Variants in TNFRSF13C observed in about 807,000 individuals in gnomAD.
TNFRSF13C encodes the protein TNF receptor superfamily member 13C.
In TNFRSF13C, 7 loss-of-function variants were observed where a neutral mutation model predicts 12.1. That is an observed-to-expected ratio of 0.58 (90% CI 0.33 to 1.08). TNFRSF13C has a LOEUF of 1.08. TNFRSF13C is among the 50% of genes least tolerant of loss of function. TNFRSF13C has a pLI of 0.04. For synonymous variants in TNFRSF13C, 157 were observed against 130.8 expected, an observed-to-expected ratio of 1.20 and a Z score of -1.37; for missense variants, 260 against 265.9, an observed-to-expected ratio of 0.98 and a Z score of 0.15.
At position 41,922,671 on chromosome 22, in the gene TNFRSF13C, G is replaced by T. The variant is rs965743671; in HGVS notation, c.*2696C>A. ...GGGGGTGTCCAGGAGAAGATGGGGT[G>T]GGGGAGATGGGGTGGCCAGGAGAAG... is the stretch of plus-strand genomic sequence containing the variant. On this transcript the variant is annotated 3_prime_UTR_variant, in exon 3 of 3. Transcript: ENST00000291232. The T allele has an allele frequency of 2.0e-5, 3 of 150,064 alleles. No individual in the cohort carries two copies. The highest frequency in any genetic ancestry group is 7.4e-5 in the African/African-American group (3 of 40,598). The allele number at this position is 150,064 out of a possible 1,614,324, so 9.3% of individuals were successfully genotyped here.
At position 41,925,443 on chromosome 22, in the gene TNFRSF13C, C is replaced by A. The variant is rs2146588362; in HGVS notation, c.479G>T (p.Ser160Ile). 1.9e-6 allele frequency: 3 copies of A among 1,612,300 alleles called. No individual in the cohort carries two copies. The highest frequency in any genetic ancestry group is 2.5e-6 in the Non-Finnish European group (3 of 1,179,982). Residue 160 changes from serine to isoleucine, a missense_variant, in exon 3 of 3, where the codon AGT becomes ATT. Coordinates refer to ENST00000291232, the MANE Select transcript of TNFRSF13C (RefSeq NM_052945.4). ...CAGCTCTGTGGCTGGCACAGGGACACTGTGGCCAGGTGGGGTGGTTCCTGG... is the reference window on the plus strand; with the variant it reads ...CAGCTCTGTGGCTGGCACAGGGACAATGTGGCCAGGTGGGGTGGTTCCTGG... The part of the protein sequence containing the change: ...EDPGTTPPGH[S>I]VPVPATELGS...
In TNFRSF13C at chr22:41,922,200, C is replaced by T. The variant is rs2077609781; in HGVS notation, c.*3167G>A. The T allele has an allele frequency of 6.6e-6, 1 of 152,226 alleles. No homozygotes were observed. Among genetic ancestry groups the T allele is most frequent in the Non-Finnish European group, 1.5e-5 (1 of 68,044 alleles). 9.4% of individuals were successfully genotyped at this position (152,226 alleles called of 1,614,324 possible). A position where few individuals can be genotyped will look rare whatever the true frequency, so the allele number is the denominator to read the frequency against. On this transcript the variant is annotated 3_prime_UTR_variant, in exon 3 of 3. Transcript: ENST00000291232. Reference sequence around the variant, plus strand: ...TTACTGGACACGGGTCATTTCTTCCCTGACTACATCATGGATTCCGGTCCA... The same window carrying T: ...TTACTGGACACGGGTCATTTCTTCCTTGACTACATCATGGATTCCGGTCCA...
At position 41,922,874 on chromosome 22, in the gene TNFRSF13C, C is replaced by G. The variant is rs1018934692; in HGVS notation, c.*2493G>C. The G allele has an allele frequency of 6.6e-6, 1 of 152,662 alleles. No individual in the cohort carries two copies. Among genetic ancestry groups the G allele is most frequent in the Non-Finnish European group, 1.5e-5 (1 of 68,426 alleles). 9.5% of individuals were successfully genotyped at this position (152,662 alleles called of 1,614,324 possible). A position where few individuals can be genotyped will look rare whatever the true frequency, so the allele number is the denominator to read the frequency against. On this transcript the variant is annotated 3_prime_UTR_variant, in exon 3 of 3. Coordinates refer to ENST00000291232, the MANE Select transcript of TNFRSF13C (RefSeq NM_052945.4). ...GCAGATGGGGTGGCCAGGAGCAGCT[C>G]AGACTCCCCCAACTCCAGATGGAAG...
In TNFRSF13C at chr22:41,925,410, G is replaced by C. The variant is rs565521242; in HGVS notation, c.512C>G (p.Thr171Ser). ...VPVPATELGSTELVTTKTAGP... is the reference protein window; with the variant it reads ...VPVPATELGSSELVTTKTAGP... The stretch of plus-strand genomic sequence containing the variant: ...GGCCGTCTTGGTGGTCACCAGTTCA[G>C]TGGAGCCCAGCTCTGTGGCTGGCAC... The change falls in exon 3 of 3, where the codon ACT (threonine) becomes AGT (serine). Residue 171 changes from threonine to serine, a missense_variant. By Grantham distance (58) the Thr-to-Ser change is moderately conservative. Coordinates refer to ENST00000291232, the MANE Select transcript of TNFRSF13C (RefSeq NM_052945.4). 5.0e-6 allele frequency: 8 copies of C among 1,610,050 alleles called. No individual in the cohort carries two copies. In the South Asian group the frequency reaches 7.7e-5, roughly 15 times the overall value.
At position 41,925,243 on chromosome 22, in the gene TNFRSF13C, G is replaced by T; in HGVS notation, c.*124C>A. 1.9e-6 allele frequency: 2 copies of T among 1,076,620 alleles called. No individual in the cohort carries two copies. Among genetic ancestry groups the T allele is most frequent in the Non-Finnish European group, 2.6e-6 (2 of 765,196 alleles). The allele number at this position is 1,076,620 out of a possible 1,614,324, so 66.7% of individuals were successfully genotyped here. ...TGTGGTCTGTAGTGTCTGTGCTTCTGCAGAGTTAGCCTGGTCCCAGAAAGA... is the reference window on the plus strand; with the variant it reads ...TGTGGTCTGTAGTGTCTGTGCTTCTTCAGAGTTAGCCTGGTCCCAGAAAGA... On this transcript the variant is annotated 3_prime_UTR_variant, in exon 3 of 3. Coordinates refer to ENST00000291232, the MANE Select transcript of TNFRSF13C (RefSeq NM_052945.4).
Position 41,925,325 on chromosome 22 carries a change from G to C in TNFRSF13C, c.*42C>G. The C allele has an allele frequency of 6.4e-7, 1 of 1,566,402 alleles. No individual in the cohort carries two copies. Among genetic ancestry groups the C allele is most frequent in the Non-Finnish European group, 8.6e-7 (1 of 1,160,616 alleles). On this transcript the variant is annotated 3_prime_UTR_variant, in exon 3 of 3. Coordinates refer to ENST00000291232, the MANE Select transcript of TNFRSF13C (RefSeq NM_052945.4). ...TTTGATTTCCAAGCCCCTGGCTGGG[G>C]GTCCAGAGGGAGGGCAGGGGCCACC...
rs1910109728 is a variant in TNFRSF13C, at chr22:41,926,561, T to G, written c.136+77A>C. ...CCTCGGCGCCCCCGGGGGTCGGGGC[T>G]CTGCCTGCGCCCTGGCGATCGGGGC... On this transcript the variant is annotated intron_variant, in intron 1 of 2. Transcript: ENST00000291232. The surrounding 1 kb of genome is among the most constrained non-coding windows in gnomAD (Gnocchi z 4.9). The G allele has an allele frequency of 7.5e-7, 1 of 1,336,252 alleles. No homozygotes were observed. 82.8% of individuals were successfully genotyped at this position (1,336,252 alleles called of 1,614,324 possible).
At chr22:41,925,871 T>G (rs1456975482) in intron 2 of TNFRSF13C, among the ~76,000 whole-genome samples, 1 of 152,092 alleles carries the variant, frequency 6.6e-6, no homozygotes, top group Non-Finnish European at 1.5e-5. Flanking sequence ...TTCCTCACAC[T>G]GGGGTCTGTC....
In TNFRSF13C at chr22:41,926,441, G is replaced by C; in HGVS notation, c.137-110C>G. On this transcript the variant is annotated intron_variant, in intron 1 of 2. Coordinates refer to ENST00000291232, the MANE Select transcript of TNFRSF13C (RefSeq NM_052945.4). This position sits in a 1 kb window ranked among gnomAD's most constrained non-coding sequence, Gnocchi z 4.9. Reference sequence around the variant, plus strand: ...CTGGCCGGGGAGGGGAGGGACAGCCGGGGGGCGGTGGACAAGGGGAGGGAG... The same window carrying C: ...CTGGCCGGGGAGGGGAGGGACAGCCCGGGGGCGGTGGACAAGGGGAGGGAG... 9.4e-7 allele frequency: 1 copy of C among 1,061,702 alleles called. No individual in the cohort carries two copies. 65.8% of individuals were successfully genotyped at this position (1,061,702 alleles called of 1,614,324 possible).
Position 41,926,464 on chromosome 22 carries a change from G to A in TNFRSF13C, c.137-133C>T. 1 of 1,092,664 alleles carries A rather than the reference G, an allele frequency of 9.2e-7. No individual in the cohort carries two copies. The highest frequency in any genetic ancestry group is 1.2e-6 in the Non-Finnish European group (1 of 831,398). The allele number at this position is 1,092,664 out of a possible 1,614,324, so 67.7% of individuals were successfully genotyped here. A position where few individuals can be genotyped will look rare whatever the true frequency, so the allele number is the denominator to read the frequency against. Reference sequence around the variant, plus strand: ...CCGGGGGGCGGTGGACAAGGGGAGGGAGAGAGGCGGCGGTGAGGGCCACGC... The same window carrying A: ...CCGGGGGGCGGTGGACAAGGGGAGGAAGAGAGGCGGCGGTGAGGGCCACGC... On this transcript the variant is annotated intron_variant, in intron 1 of 2. Coordinates refer to ENST00000291232, the MANE Select transcript of TNFRSF13C (RefSeq NM_052945.4). The surrounding 1 kb of genome is among the most constrained non-coding windows in gnomAD (Gnocchi z 4.9).
rs1192790802 is a variant in TNFRSF13C, at chr22:41,925,359, G to A, written c.*8C>T. The A allele has an allele frequency of 1.3e-6, 2 of 1,596,242 alleles. No homozygotes were observed. Among genetic ancestry groups the A allele is most frequent in the Middle Eastern group, 2.1e-4 (1 of 4,872 alleles). ...GGAGGGCAGGGGCCACCTCCTGCCG[G>A]CTCCCTGCTATTGTTGCTCAGGGCC... On this transcript the variant is annotated 3_prime_UTR_variant, in exon 3 of 3. Transcript: ENST00000291232.
chr22:41,926,292 G>A lies in TNFRSF13C; in HGVS notation c.176C>T (p.Pro59Leu), dbSNP rs899866976. 1.3e-6 allele frequency: 2 copies of A among 1,483,688 alleles called. No homozygotes were observed. Among genetic ancestry groups the A allele is most frequent in the African/African-American group, 1.5e-5 (1 of 68,066 alleles). The allele number at this position is 1,483,688 out of a possible 1,614,324, so 91.9% of individuals were successfully genotyped here. ...GGCCCCCGCGCCCACCGACTCCTGC[G>A]GCTGCAGCGCCGTCCTGGGCGCAGG... Reference protein sequence around the residue: ...SSPAPRTALQPQESVGAGAGE... With the variant: ...SSPAPRTALQLQESVGAGAGE... Residue 59 changes from proline to leucine, a missense_variant, in exon 2 of 3, where the codon CCG (proline) becomes CTG (leucine). Coordinates refer to ENST00000291232, the MANE Select transcript of TNFRSF13C (RefSeq NM_052945.4). This position sits in a 1 kb window ranked among gnomAD's most constrained non-coding sequence, Gnocchi z 4.9.
rs949058039 is a variant in TNFRSF13C at position 41,926,030 on chromosome 22, C to T, written c.367+71G>A. On this transcript the variant is annotated intron_variant, in intron 2 of 2. Transcript: ENST00000291232. The surrounding 1 kb of genome is among the most constrained non-coding windows in gnomAD (Gnocchi z 4.9). ...TCTCCCCCTCAGGGGCCATGCATCT[C>T]CCCCTAGACCGTCCCGACACCCCAG... 1 of 1,582,110 alleles carries T rather than the reference C, an allele frequency of 6.3e-7. No individual in the cohort carries two copies. Among genetic ancestry groups the T allele is most frequent in the Non-Finnish European group, 8.6e-7 (1 of 1,156,836 alleles).
Position 41,922,052 on chromosome 22 carries a change from T to C in TNFRSF13C, c.*3315A>G, listed in dbSNP as rs2077609342. On this transcript the variant is annotated 3_prime_UTR_variant, in exon 3 of 3. Transcript: ENST00000291232. ...AAACCTTACCATGTTGAAAACTTTATTGTGGAGTCTCTAAAGAGAGAGAAA... is the reference window on the plus strand; with the variant it reads ...AAACCTTACCATGTTGAAAACTTTACTGTGGAGTCTCTAAAGAGAGAGAAA... 1 of 152,222 alleles carries C rather than the reference T, an allele frequency of 6.6e-6. No individual in the cohort carries two copies. The highest frequency in any genetic ancestry group is 1.5e-5 in the Non-Finnish European group (1 of 68,050). The allele number at this position is 152,222 out of a possible 1,614,324, so 9.4% of individuals were successfully genotyped here.
rs750334567 is a variant in TNFRSF13C at position 41,924,949 on chromosome 22, CAAAAAAAA to C, written c.*410_*417del. Reference sequence around the variant, plus strand: ...CCTGGCGACAGAGCAAGACTCGTCTCAAAAAAAAAAAAAAAAAAAAAAAAAAAAAATCA... The same window carrying C: ...CCTGGCGACAGAGCAAGACTCGTCTCAAAAAAAAAAAAAAAAAAAAAATCA... On this transcript the variant is annotated 3_prime_UTR_variant, in exon 3 of 3. Coordinates refer to ENST00000291232, the MANE Select transcript of TNFRSF13C (RefSeq NM_052945.4). The C allele has an allele frequency of 1.8e-4, 8 of 45,366 alleles. No individual in the cohort carries two copies. Among genetic ancestry groups the C allele is most frequent in the Admixed American group, 5.7e-4 (2 of 3,492 alleles). The allele number at this position is 45,366 out of a possible 1,614,324, so 2.8% of individuals were successfully genotyped here.
rs1424786792 is a variant in TNFRSF13C at position 41,925,572 on chromosome 22, A to G, written c.368-18T>C. The G allele has an allele frequency of 6.2e-7, 1 of 1,610,734 alleles. No individual in the cohort carries two copies. The highest frequency in any genetic ancestry group is 8.5e-7 in the Non-Finnish European group (1 of 1,179,848). Reference sequence around the variant, plus strand: ...CTCTGGGGCTGCAGGCAGAGGGGGTAGAGGCTCCGTACTCAGTCACAGCCT... The same window carrying G: ...CTCTGGGGCTGCAGGCAGAGGGGGTGGAGGCTCCGTACTCAGTCACAGCCT... On this transcript the variant is annotated intron_variant, in intron 2 of 2. Transcript: ENST00000291232.
Position 41,925,208 on chromosome 22 carries a change from GGCTGAATGCTGTGGTCTGTAGTGTCTGT to G in TNFRSF13C, c.*131_*158del. The G allele has an allele frequency of 3.8e-6, 3 of 799,934 alleles. No homozygotes were observed. In the South Asian group the frequency reaches 5.5e-5, roughly 15 times the overall value. The allele number at this position is 799,934 out of a possible 1,614,324, so 49.6% of individuals were successfully genotyped here. ...AGGCAAGCACACCAAACTCCATGGG[GGCTGAATGCTGTGGTCTGTAGTGTCTGT>G]GCTTCTGCAGAGTTAGCCTGGTCCC... On this transcript the variant is annotated 3_prime_UTR_variant, in exon 3 of 3. Coordinates refer to ENST00000291232, the MANE Select transcript of TNFRSF13C (RefSeq NM_052945.4).
rs965696514 is a variant in TNFRSF13C, at chr22:41,922,880, C to G, written c.*2487G>C. Reference sequence around the variant, plus strand: ...GGGGTGGCCAGGAGCAGCTCAGACTCCCCCAACTCCAGATGGAAGGGGAGT... The same window carrying G: ...GGGGTGGCCAGGAGCAGCTCAGACTGCCCCAACTCCAGATGGAAGGGGAGT... On this transcript the variant is annotated 3_prime_UTR_variant, in exon 3 of 3. Coordinates refer to ENST00000291232, the MANE Select transcript of TNFRSF13C (RefSeq NM_052945.4). 2.0e-5 allele frequency: 3 copies of G among 152,566 alleles called. No individual in the cohort carries two copies. Among genetic ancestry groups the G allele is most frequent in the African/African-American group, 7.2e-5 (3 of 41,434 alleles). 9.5% of individuals were successfully genotyped at this position (152,566 alleles called of 1,614,324 possible).
In TNFRSF13C at chr22:41,926,210, G is replaced by A; in HGVS notation, c.258C>T (p.Gly86=). Residue 86 remains glycine, a synonymous_variant, in exon 2 of 3, where the codon GGC becomes GGT. Transcript: ENST00000291232. The surrounding 1 kb of genome is among the most constrained non-coding windows in gnomAD (Gnocchi z 4.9). The part of the protein sequence containing the change: ...GLLFGAPALL[G]LALVLALVLV... ...GGACCAGCGCCAGGACCAGTGCCAG[G>A]CCCAGCAGCGCGGGGGCGCCAAAGA... The A allele has an allele frequency of 6.2e-7, 1 of 1,601,776 alleles. No individual in the cohort carries two copies. Among genetic ancestry groups the A allele is most frequent in the East Asian group, 2.2e-5 (1 of 44,720 alleles).
Sources: gnomAD v4.1 joint callset for allele counts (sites outside exome capture counted in the v4.1 genomes callset) on GRCh38, gnomAD v4.1.1 for gene constraint, Gnocchi (gnomAD v3.1) non-coding constraint, MANE v1.5 for transcripts, NCBI Gene and HGNC (gene_info 2026-07-23, HGNC 2026-07-21) for gene names.